The following HIPK2 variants were observed in gnomAD, a reference collection of about 807,000 sequenced individuals.
The protein encoded by HIPK2 is homeodomain interacting protein kinase 2, also known as homeodomain-interacting protein kinase 2.
A neutral mutation model predicts 113.7 loss-of-function variants in HIPK2; 27 were observed. The observed-to-expected ratio is 0.24, with a 90% CI of 0.17 to 0.33. HIPK2 has a LOEUF of 0.33. Among genes scored for constraint, HIPK2 ranks in the 10% least tolerant of loss-of-function variants. The probability of loss-of-function intolerance (pLI) is 1.00; values close to 1 mark genes in which losing one functional copy is unlikely to be tolerated. For synonymous variants in HIPK2, 631 were observed against 642.2 expected, an observed-to-expected ratio of 0.98 and a Z score of 0.26; for missense variants, 1,257 against 1,588.0, an observed-to-expected ratio of 0.79 and a Z score of 3.54.
chr7:139,709,866 A>C (rs916124824), intron 2 of HIPK2, among the ~76,000 whole-genome samples: 1 of 152,260 alleles, frequency 6.6e-6, no homozygotes, highest in African/African-American at 2.4e-5. Context: ...GTCATTAAAC[A>C]AAAGAAAGCA....
intron 2 of HIPK2, among the ~76,000 whole-genome samples, chr7:139,691,113 G>A (rs1794392218): frequency 6.6e-6 from 1 of 152,186 alleles, no homozygotes; most frequent in South Asian, 2.1e-4. Flanking sequence ...ACACAGTGTT[G>A]AGATTCTGTG....
At chr7:139,617,088 A>G (rs1800077985) in intron 7 of HIPK2, among the ~76,000 whole-genome samples, 1 of 152,240 alleles carries the variant, frequency 6.6e-6, no homozygotes, top group Non-Finnish European at 1.5e-5. Flanking sequence ...GAAGAAGCCC[A>G]TGTGAGGGCA....
intron 10 of HIPK2, among the ~76,000 whole-genome samples, chr7:139,601,328 G>A (rs1031875026): frequency 8.5e-5 from 13 of 152,100 alleles, no homozygotes; most frequent in African/African-American, 3.1e-4. Flanking sequence ...GTCTTCAATG[G>A]GTTATTTTAT....
intron 1 of HIPK2, among the ~76,000 whole-genome samples, chr7:139,744,659 T>C (rs553009848): frequency 6.6e-6 from 1 of 152,304 alleles, no homozygotes; most frequent in Non-Finnish European, 1.5e-5. Flanking sequence ...GAAATACATA[T>C]CATCATCCCA....
At chr7:139,628,016 C>T (rs59642985) in intron 5 of HIPK2, among the ~76,000 whole-genome samples, 2,673 of 152,180 alleles carry the variant, frequency 0.018, 79 homozygotes, top group African/African-American at 0.06. Flanking sequence ...TTAGGGTGGG[C>T]CCAGTGACAA....
chr7:139,693,292 A>T (rs1794464888), intron 2 of HIPK2, among the ~76,000 whole-genome samples: 1 of 152,274 alleles, frequency 6.6e-6, no homozygotes, highest in East Asian at 1.9e-4. Flanking sequence ...TTAGAATTTT[A>T]ACTCAATGAA....
Position 139,683,068 on chromosome 7 carries a change from C to G in HIPK2, c.1103+32864G>C, listed in dbSNP as rs1461740832. Among the ~76,000 whole-genome samples the G allele has an allele frequency of 9.9e-5, 15 of 152,126 alleles. No individual in the cohort carries two copies. Among genetic ancestry groups the G allele is most frequent in the Non-Finnish European group, 1.5e-5 (1 of 68,020 alleles). The stretch of plus-strand genomic sequence containing the variant: ...TCTCTTAAATATAAGGCATTTTTAC[C>G]ACCAACACGCCACTCAGTAAGGTCA... On this transcript the variant is annotated intron_variant, in intron 2 of 14. Transcript: ENST00000406875. The surrounding 1 kb of genome is among the most constrained non-coding windows in gnomAD (Gnocchi z 4.2).
At chr7:139,598,441 C>T (rs761214031) in intron 11 of HIPK2, among the ~76,000 whole-genome samples, 6 of 152,070 alleles carry the variant, frequency 3.9e-5, no homozygotes, top group Non-Finnish European at 8.8e-5. Flanking sequence ...ATGTATTTGT[C>T]GTTGCTAATA....
intron 2 of HIPK2, among the ~76,000 whole-genome samples, chr7:139,713,197 C>T (rs925131339): frequency 1.3e-5 from 2 of 152,082 alleles, no homozygotes; most frequent in Non-Finnish European, 1.5e-5. Flanking sequence ...GCCCAGGAAC[C>T]GCCAGCAAAC....
At chr7:139,595,508 G>GGTCCCCTCTGA (rs1799173613) in intron 12 of HIPK2, among the ~76,000 whole-genome samples, 1 of 152,084 alleles carries the variant, frequency 6.6e-6, no homozygotes, top group Non-Finnish European at 1.5e-5. Context: ...CTTTGACCTG[G>GGTCCCCTCTGA]GTCCCCTCTG....
chr7:139,612,822 T>G (rs780582368), intron 9 of HIPK2, among the ~76,000 whole-genome samples: 2 of 152,178 alleles, frequency 1.3e-5, no homozygotes, highest in Non-Finnish European at 2.9e-5. Context: ...AAGGCTCCTT[T>G]TGGCTCTAAA....
intron 2 of HIPK2, among the ~76,000 whole-genome samples, chr7:139,690,160 T>C (rs1005003492): frequency 1.4e-4 from 21 of 152,082 alleles, no homozygotes; most frequent in Admixed American, 3.9e-4. Context: ...CAGAAAGCCC[T>C]CAGACCCATT....
chr7:139,768,028 C>T (rs1443327951), intron 1 of HIPK2, among the ~76,000 whole-genome samples: 1 of 152,232 alleles, frequency 6.6e-6, no homozygotes, highest in Non-Finnish European at 1.5e-5. Context: ...AGGCCCTTTC[C>T]CAGGGCCTGT....
At position 139,744,163 on chromosome 7, in the gene HIPK2, C is replaced by T. The variant is rs528354956; in HGVS notation, c.20-27148G>A. ...CATAACAGCCAAAAAGTGGAAACCA[C>T]CTGCATGTCCATCAAGTGATTAACA... On this transcript the variant is annotated intron_variant, in intron 1 of 14. Transcript: ENST00000406875. Among the ~76,000 whole-genome samples, 5 of 152,318 alleles carry T rather than the reference C, an allele frequency of 3.3e-5. No homozygotes were observed. The South Asian group carries it at 1.0e-3, about 32-fold the overall frequency.
intron 14 of HIPK2, among the ~76,000 whole-genome samples, chr7:139,574,732 C>T (rs574448529): frequency 1.3e-4 from 20 of 152,324 alleles, no homozygotes; most frequent in African/African-American, 4.8e-4. Context: ...CTGTGGTGTG[C>T]GGGCCCTCCC....
At chr7:139,685,456 C>T (rs1226696782) in intron 2 of HIPK2, among the ~76,000 whole-genome samples, 1 of 152,184 alleles carries the variant, frequency 6.6e-6, no homozygotes, top group Non-Finnish European at 1.5e-5. Context: ...AGCCACCACA[C>T]CCGGCCAACA....
chr7:139,725,698 G>A (rs1795554846), intron 1 of HIPK2, among the ~76,000 whole-genome samples: 1 of 152,174 alleles, frequency 6.6e-6, no homozygotes, highest in Non-Finnish European at 1.5e-5. Flanking sequence ...ATCAACAAGT[G>A]GTAGGTGACT....
At position 139,714,866 on chromosome 7, in the gene HIPK2, C is replaced by A. The variant is rs1384940130; in HGVS notation, c.1103+1066G>T. On this transcript the variant is annotated intron_variant, in intron 2 of 14. Coordinates refer to ENST00000406875, the MANE Select transcript of HIPK2 (RefSeq NM_022740.5). The surrounding 1 kb of genome is among the most constrained non-coding windows in gnomAD (Gnocchi z 4.2). ...CCTCCCCGCTGTGCACCCGCCATGG[C>A]CAGCCACGGAGTGACACACCTAAGC... is the stretch of plus-strand genomic sequence containing the variant. Among the ~76,000 whole-genome samples, 1 of 152,226 alleles carries A rather than the reference C, an allele frequency of 6.6e-6. No individual in the cohort carries two copies. The highest frequency in any genetic ancestry group is 2.4e-5 in the African/African-American group (1 of 41,458).
intron 1 of HIPK2, among the ~76,000 whole-genome samples, chr7:139,766,543 GC>G (rs764800249): frequency 4.6e-5 from 7 of 152,130 alleles, no homozygotes; most frequent in Non-Finnish European, 8.8e-5. Flanking sequence ...CAGCTTGATT[GC>G]CTCTTTTCCA....
Sources: allele counts gnomAD v4.1 joint callset (sites outside exome capture counted in the v4.1 genomes callset), GRCh38; gene constraint gnomAD v4.1.1; non-coding constraint Gnocchi (gnomAD v3.1); transcripts MANE v1.5; gene names NCBI Gene and HGNC (gene_info 2026-07-23, HGNC 2026-07-21).